Variants in ZNF667 observed in about 807,000 individuals in gnomAD.
The protein encoded by ZNF667 is zinc finger protein 667, also known as myocardial ischemic preconditioning upregulated 1 ortholog.
A neutral mutation model predicts 31.8 loss-of-function variants in ZNF667; 13 were observed. That is an observed-to-expected ratio of 0.41 (90% CI 0.27 to 0.65). The LOEUF is 0.65. Among genes scored for constraint, ZNF667 ranks in the 30% least tolerant of loss-of-function variants. The pLI is 0.32. For synonymous variants in ZNF667, 228 were observed against 247.1 expected, an observed-to-expected ratio of 0.92 and a Z score of 0.73; for missense variants, 642 against 725.6, an observed-to-expected ratio of 0.88 and a Z score of 1.32.
At chr19:56,458,007 G>A (rs542869987) in intron 6 of ZNF667, 148 bp downstream of exon 6, 28 of 708,262 alleles carry the variant, frequency 4.0e-5, no homozygotes, top group African/African-American at 7.0e-5. Context: ...ACCAGACACC[G>A]AATCTGCTCA....
chr19:56,453,707 C>A (rs1015358125), intron 6 of ZNF667, among the ~76,000 whole-genome samples: 1 of 152,260 alleles, frequency 6.6e-6, no homozygotes, highest in Non-Finnish European at 1.5e-5. Context: ...CCGTATATGA[C>A]AGACCCATGG....
intron 3 of ZNF667, among the ~76,000 whole-genome samples, chr19:56,464,178 T>C (rs1311027174): frequency 2.0e-5 from 3 of 152,238 alleles, no homozygotes; most frequent in African/African-American, 7.2e-5. Context: ...ATTGGCTACA[T>C]GTTGAAATGT....
chr19:56,470,370 T>C (rs1352312880), intron 3 of ZNF667, among the ~76,000 whole-genome samples: 1 of 152,206 alleles, frequency 6.6e-6, no homozygotes. Context: ...CCTCCTCAGT[T>C]AATGACGATG....
chr19:56,466,881 C>G, intron 3 of ZNF667: 2 of 402,692 alleles, frequency 5.0e-6, no homozygotes, highest in South Asian at 3.7e-5. Flanking sequence ...GGTTTAATGA[C>G]AGCTCCTTAC....
At chr19:56,477,887 G>T (rs1475355939), upstream of ZNF667, 6 of 152,462 alleles carry the variant, frequency 3.9e-5, no homozygotes, top group Admixed American at 3.9e-4. Flanking sequence ...ATCCACCGGG[G>T]TGCAGCGAGG....
At chr19:56,452,888 C>T (rs942180459) in intron 6 of ZNF667, among the ~76,000 whole-genome samples, 1 of 149,906 alleles carries the variant, frequency 6.7e-6, no homozygotes, top group African/African-American at 2.5e-5. Flanking sequence ...CACTGCACTC[C>T]AGCCTGGGTG....
intron 6 of ZNF667, among the ~76,000 whole-genome samples, chr19:56,456,243 G>A (rs1428772154): frequency 6.6e-6 from 1 of 152,138 alleles, no homozygotes; most frequent in South Asian, 2.1e-4. Flanking sequence ...TGCTATTGAT[G>A]GTGCTGATTT....
At chr19:56,461,649 G>A (rs959879946) in intron 4 of ZNF667, among the ~76,000 whole-genome samples, 1 of 152,198 alleles carries the variant, frequency 6.6e-6, no homozygotes, top group Non-Finnish European at 1.5e-5. Flanking sequence ...TGCCAAGTTT[G>A]CAGCTAATCT....
rs2042601583 is a variant in ZNF667 at position 56,441,535 on chromosome 19, G to A, written c.1460C>T (p.Thr487Ile). 5.6e-6 allele frequency: 9 copies of A among 1,614,098 alleles called. No homozygotes were observed. The highest frequency in any genetic ancestry group is 7.6e-6 in the Non-Finnish European group (9 of 1,180,056). ...GKAFSHRISL[T>I]RHKRIHTEDR... ...TTCAGTATGAATTCTCTTATGTCGT[G>A]TGAGAGATATTCGGTGGCTGAAGGC... Residue 487 changes from threonine to isoleucine, a missense_variant, in exon 7 of 7, where the codon ACA (threonine) becomes ATA (isoleucine). Coordinates refer to ENST00000504904, the MANE Select transcript of ZNF667 (RefSeq NM_001321356.2). This position sits in a 1 kb window ranked among gnomAD's most constrained non-coding sequence, Gnocchi z 4.2.
At chr19:56,476,075 C>G (rs1445831297) in intron 1 of ZNF667, among the ~76,000 whole-genome samples, 2 of 152,170 alleles carry the variant, frequency 1.3e-5, no homozygotes, top group East Asian at 3.8e-4. Flanking sequence ...CACCATAAAC[C>G]TGAGGTTGGT....
intron 3 of ZNF667, among the ~76,000 whole-genome samples, chr19:56,465,860 C>T (rs372739558): frequency 1.4e-4 from 22 of 152,340 alleles, no homozygotes; most frequent in African/African-American, 4.8e-4. Context: ...ATTCCCTACA[C>T]GGATATAAAA....
At chr19:56,450,022 A>G (rs2042788209) in intron 6 of ZNF667, among the ~76,000 whole-genome samples, 1 of 151,978 alleles carries the variant, frequency 6.6e-6, no homozygotes, top group Non-Finnish European at 1.5e-5. Context: ...TTAGTGGCTT[A>G]AAGAGAAGGC....
intron 6 of ZNF667, 131 bp downstream of exon 6, chr19:56,458,024 G>C: frequency 1.2e-6 from 1 of 806,898 alleles, no homozygotes; most frequent in East Asian, 2.6e-5. Context: ...CTCATGCATT[G>C]ATCTTGGACT....
chr19:56,459,910 T>C (rs1401404300), intron 5 of ZNF667, among the ~76,000 whole-genome samples: 1 of 152,100 alleles, frequency 6.6e-6, no homozygotes, highest in Non-Finnish European at 1.5e-5. Flanking sequence ...AGGAATCCCT[T>C]GAACCCAGGA....
chr19:56,446,954 C>T (rs2042721668), intron 6 of ZNF667, among the ~76,000 whole-genome samples: 3 of 152,106 alleles, frequency 2.0e-5, no homozygotes, highest in Admixed American at 2.0e-4. Flanking sequence ...CCCCTCAGCC[C>T]ATCTCCCCAT....
rs1440665616 is a variant in ZNF667 at position 56,442,264 on chromosome 19, T to C, written c.731A>G (p.Gln244Arg). ...LSQCQSFNIH[Q>R]KIHVVGNVCQ... ...GACATTCCCAACAACATGAATTTTC[T>C]GATGTATATTGAAAGACTGACATTG... The change falls in exon 7 of 7, where the codon CAG (glutamine) becomes CGG (arginine). Residue 244 changes from glutamine to arginine, a missense_variant. Transcript: ENST00000504904. 1 of 1,614,206 alleles carries C rather than the reference T, an allele frequency of 6.2e-7. No homozygotes were observed. The highest frequency in any genetic ancestry group is 1.1e-5 in the South Asian group (1 of 91,084).
At chr19:56,459,949 G>C (rs547983644) in intron 5 of ZNF667, among the ~76,000 whole-genome samples, 3 of 151,734 alleles carry the variant, frequency 2.0e-5, no homozygotes, top group African/African-American at 4.8e-5. Context: ...CTGAGATTGC[G>C]CCACTGCACT....
At position 56,441,308 on chromosome 19, in the gene ZNF667, C is replaced by G; in HGVS notation, c.1687G>C (p.Ala563Pro). Residue 563 changes from alanine to proline, a missense_variant, in exon 7 of 7, where the codon GCA becomes CCA. By Grantham distance (27) the Ala-to-Pro change is conservative (BLOSUM62 -1). Transcript: ENST00000504904. The surrounding 1 kb of genome is among the most constrained non-coding windows in gnomAD (Gnocchi z 4.2). ...ATAAGGTCTGAGCCACTGCTAAATG[C>G]CTTCCCACATTCATTACATTCATAG... is the stretch of plus-strand genomic sequence containing the variant. Reference protein sequence around the residue: ...KPYECNECGKAFSSGSDLIRH... With the variant: ...KPYECNECGKPFSSGSDLIRH... The G allele has an allele frequency of 2.5e-6, 4 of 1,614,192 alleles. No homozygotes were observed. The South Asian group carries it at 4.4e-5, about 18-fold the overall frequency.
chr19:56,471,284 C>T (rs769549593), intron 3 of ZNF667, among the ~76,000 whole-genome samples: 1 of 152,116 alleles, frequency 6.6e-6, no homozygotes, highest in African/African-American at 2.4e-5. Context: ...CCTGCAGAAC[C>T]GTGGGCCAAT....
Sources: gnomAD v4.1 joint callset for allele counts (sites outside exome capture counted in the v4.1 genomes callset) on GRCh38, gnomAD v4.1.1 for gene constraint, Gnocchi (gnomAD v3.1) non-coding constraint, MANE v1.5 for transcripts, NCBI Gene and HGNC (gene_info 2026-07-23, HGNC 2026-07-21) for gene names.